The following AFG1L variants were observed in gnomAD, a reference collection of about 807,000 sequenced individuals.
AFG1L encodes AFG1-like ATPase.
In AFG1L, 53 loss-of-function variants were observed where a neutral mutation model predicts 62.2. The observed-to-expected ratio is 0.85, with a 90% CI of 0.68 to 1.07. The LOEUF (loss-of-function observed/expected upper bound fraction) is 1.07, where lower values mean the gene tolerates loss of function less well. Ranked by LOEUF, AFG1L falls within the 50% of genes least tolerant of loss-of-function variation. The probability of loss-of-function intolerance (pLI) is 0.00; values close to 1 mark genes in which losing one functional copy is unlikely to be tolerated. For missense variants in AFG1L, 555 were observed against 590.5 expected (o/e 0.94, Z 0.62); for synonymous variants, 228 against 210.3 (o/e 1.08, Z -0.73).
intron 7 of AFG1L, among the ~76,000 whole-genome samples, chr6:108,441,710 A>ATATATATATATATAT (rs1554198366): frequency 8.5e-6 from 1 of 117,506 alleles, no homozygotes; most frequent in South Asian, 3.1e-4. Flanking sequence ...TTAAAAAAAA[A>ATATATATATATATAT]AAATATATAT....
intron 6 of AFG1L, among the ~76,000 whole-genome samples, chr6:108,385,013 T>A (rs1375958056): frequency 6.6e-6 from 1 of 152,110 alleles, no homozygotes; most frequent in Non-Finnish European, 1.5e-5. Flanking sequence ...GAAAAACTTT[T>A]GAAAAAACAG....
At chr6:108,482,168 C>G (rs956076223) in intron 10 of AFG1L, among the ~76,000 whole-genome samples, 2 of 152,190 alleles carry the variant, frequency 1.3e-5, no homozygotes, top group Non-Finnish European at 2.9e-5. Flanking sequence ...ATCTGCATAA[C>G]TCAATGAACC....
intron 7 of AFG1L, among the ~76,000 whole-genome samples, chr6:108,435,860 C>T (rs1771286849): frequency 6.6e-6 from 1 of 152,188 alleles, no homozygotes; most frequent in African/African-American, 2.4e-5. Flanking sequence ...TCCTAACATA[C>T]TAACTTGCAC....
At chr6:108,470,377 A>C (rs1772836272) in intron 8 of AFG1L, among the ~76,000 whole-genome samples, 1 of 152,100 alleles carries the variant, frequency 6.6e-6, no homozygotes, top group South Asian at 2.1e-4. Flanking sequence ...GTATAACAGG[A>C]GATGGTGGAG....
chr6:108,461,568 G>A lies in AFG1L; in HGVS notation c.890+14272G>A, dbSNP rs142494101. Among the ~76,000 whole-genome samples the A allele has an allele frequency of 3.3e-3, 497 of 152,124 alleles. 1 individual carries two copies. The highest frequency in any genetic ancestry group is 0.024 in the Middle Eastern group (7 of 294). Reference sequence around the variant, plus strand: ...CGTCCTAGACTCAAGCCATTTTCCCGCCTCAGCCTATTGAGTAGCTGGGAC... The same window carrying A: ...CGTCCTAGACTCAAGCCATTTTCCCACCTCAGCCTATTGAGTAGCTGGGAC... On this transcript the variant is annotated intron_variant, in intron 8 of 12. Coordinates refer to ENST00000368977, the MANE Select transcript of AFG1L (RefSeq NM_145315.5).
chr6:108,307,507 T>C (rs1777248701), intron 1 of AFG1L, among the ~76,000 whole-genome samples: 1 of 151,022 alleles, frequency 6.6e-6, no homozygotes, highest in Non-Finnish European at 1.5e-5. Flanking sequence ...ACCTCCCAGG[T>C]CCAAGTAATC....
intron 7 of AFG1L, among the ~76,000 whole-genome samples, chr6:108,444,942 A>G (rs986725302): frequency 6.6e-6 from 1 of 152,206 alleles, no homozygotes; most frequent in Non-Finnish European, 1.5e-5. Flanking sequence ...GAAGCCATGC[A>G]TTGACTTCTC....
chr6:108,500,605 ATGCAGGTGTCTTTTTGATAAACGTGAG>A (rs1390206341), intron 10 of AFG1L, among the ~76,000 whole-genome samples: 1 of 152,192 alleles, frequency 6.6e-6, no homozygotes, highest in African/African-American at 2.4e-5. Context: ...ATAAACGTGA[ATGCAGGTGTCTTTTTGATAAACGTGAG>A]TGCAGGTGTC....
At chr6:108,315,075 C>G (rs941056961) in intron 1 of AFG1L, among the ~76,000 whole-genome samples, 2 of 152,020 alleles carry the variant, frequency 1.3e-5, no homozygotes, top group African/African-American at 4.8e-5. Flanking sequence ...GATCACCGCC[C>G]GCCTCAAGTG....
At chr6:108,389,464 T>C (rs1780946130) in intron 6 of AFG1L, among the ~76,000 whole-genome samples, 1 of 152,222 alleles carries the variant, frequency 6.6e-6, no homozygotes, top group Admixed American at 6.5e-5. Context: ...TGCAGTTTCT[T>C]CCTAGCCTCG....
At chr6:108,353,449 C>T (rs1376643105) in intron 3 of AFG1L, among the ~76,000 whole-genome samples, 1 of 152,174 alleles carries the variant, frequency 6.6e-6, no homozygotes, top group African/African-American at 2.4e-5. Context: ...AACCACTGCA[C>T]TTGGCCTGTG....
rs1009763460 is a variant in AFG1L, at chr6:108,476,996, T to C, written c.961+61T>C. 6 of 1,415,010 alleles carry C rather than the reference T, an allele frequency of 4.2e-6. No individual in the cohort carries two copies. The African/African-American group carries it at 7.0e-5, about 17-fold the overall frequency. The allele number at this position is 1,415,010 out of a possible 1,614,324, so 87.7% of individuals were successfully genotyped here. On this transcript the variant is annotated intron_variant, in intron 9 of 12. Transcript: ENST00000368977. ...TTAGAACACAATGCCCAATCTCCACTGACCAATTAATAAGTTCCATTGCTG... is the reference window on the plus strand; with the variant it reads ...TTAGAACACAATGCCCAATCTCCACCGACCAATTAATAAGTTCCATTGCTG...
At position 108,447,297 on chromosome 6, in the gene AFG1L, G is replaced by A. The variant is rs762515923; in HGVS notation, c.890+1G>A. 1.3e-6 allele frequency: 2 copies of A among 1,563,218 alleles called. No homozygotes were observed. The highest frequency in any genetic ancestry group is 1.8e-6 in the Non-Finnish European group (2 of 1,137,316). ...CTGCTGCAGGAAAACTCTACTACCT[G>A]TAAGTGTTTCTAATTTTTAAAGTTT... On this transcript the variant is annotated splice_donor_variant, in intron 8 of 12. Transcript: ENST00000368977. LOFTEE classifies it high-confidence loss of function.
At position 108,346,980 on chromosome 6, in the gene AFG1L, A is replaced by G; in HGVS notation, c.364-8A>G. On this transcript the variant is annotated splice_polypyrimidine_tract_variant and splice_region_variant and intron_variant, in intron 2 of 12. Transcript: ENST00000368977. Reference sequence around the variant, plus strand: ...GGTAGAGATTTATAATTTGTTCTTAATTTGCAGCTTTTTTCAAGGAGCAAA... The same window carrying G: ...GGTAGAGATTTATAATTTGTTCTTAGTTTGCAGCTTTTTTCAAGGAGCAAA... 2 of 1,606,850 alleles carry G rather than the reference A, an allele frequency of 1.2e-6. No individual in the cohort carries two copies. Among genetic ancestry groups the G allele is most frequent in the Non-Finnish European group, 1.7e-6 (2 of 1,173,780 alleles).
At chr6:108,512,362 C>T (rs965397817) in intron 11 of AFG1L, among the ~76,000 whole-genome samples, 2 of 152,142 alleles carry the variant, frequency 1.3e-5, no homozygotes, top group Non-Finnish European at 2.9e-5. Context: ...TGTGCATCCC[C>T]GCGGAGCCCA....
chr6:108,489,156 C>G (rs550501402), intron 10 of AFG1L, among the ~76,000 whole-genome samples: 2 of 152,274 alleles, frequency 1.3e-5, no homozygotes, highest in Non-Finnish European at 2.9e-5. Flanking sequence ...ATACGGATGT[C>G]TAAAACTCAG....
At chr6:108,522,244 T>C (rs548257897) in intron 12 of AFG1L, 53 bp from the exon 13 acceptor site, 1 of 1,579,124 alleles carries the variant, frequency 6.3e-7, no homozygotes, top group East Asian at 2.2e-5. Flanking sequence ...ACTTAGGTTC[T>C]GTAAATTTTC....
At chr6:108,481,983 C>G (rs1386723647) in intron 10 of AFG1L, among the ~76,000 whole-genome samples, 2 of 152,104 alleles carry the variant, frequency 1.3e-5, no homozygotes, top group Non-Finnish European at 1.5e-5. Flanking sequence ...ATATTTGTTG[C>G]CAGTGATAAA....
At chr6:108,505,339 G>A (rs560746611) in intron 10 of AFG1L, among the ~76,000 whole-genome samples, 5 of 152,128 alleles carry the variant, frequency 3.3e-5, no homozygotes, top group Middle Eastern at 3.4e-3. Context: ...TGTTCCACTC[G>A]CCTCGGCCTC....
Sources: gnomAD v4.1 joint callset for allele counts (sites outside exome capture counted in the v4.1 genomes callset) on GRCh38, gnomAD v4.1.1 for gene constraint, MANE v1.5 for transcripts, NCBI Gene and HGNC (gene_info 2026-07-23, HGNC 2026-07-21) for gene names.